Variants in ITSN2 observed in about 807,000 individuals in gnomAD.
The protein encoded by ITSN2 is intersectin 2.
In ITSN2, 156 loss-of-function variants were observed where a neutral mutation model predicts 243.7. That is an observed-to-expected ratio of 0.64 (90% CI 0.56 to 0.73). ITSN2 has a LOEUF of 0.73. Among genes scored for constraint, ITSN2 ranks in the 30% least tolerant of loss-of-function variants. ITSN2 has a pLI of 0.00. For synonymous variants in ITSN2, 703 were observed against 699.9 expected, an observed-to-expected ratio of 1.00 and a Z score of -0.07; for missense variants, 1,801 against 1,996.1, an observed-to-expected ratio of 0.90 and a Z score of 1.86.
intron 2 of ITSN2, among the ~76,000 whole-genome samples, chr2:24,322,533 A>C (rs1244137299): frequency 6.6e-6 from 1 of 152,224 alleles, no homozygotes. Flanking sequence ...CTGGATATCC[A>C]TATGAAAAAA....
In ITSN2 at chr2:24,300,174, G is replaced by T. The variant is rs201772928; in HGVS notation, c.1082-3C>A. 2.0e-5 allele frequency: 32 copies of T among 1,614,026 alleles called. No individual in the cohort carries two copies. The East Asian group carries it at 7.1e-4, about 36-fold the overall frequency. On this transcript the variant is annotated splice_polypyrimidine_tract_variant and splice_region_variant and intron_variant, in intron 11 of 39. Transcript: ENST00000355123. ...TTTCCGTTTGTCCTCAAAAGTAACT[G>T]AACAAGGTATGCCTATCAGCATCCA...
At position 24,205,090 on chromosome 2, in the gene ITSN2, T is replaced by G. The variant is rs1573834808; in HGVS notation, c.4762+124A>C. On this transcript the variant is annotated intron_variant, in intron 38 of 39. Coordinates refer to ENST00000355123, the MANE Select transcript of ITSN2 (RefSeq NM_006277.3). ...TGTACCCCAGAGGCAGAGGTTGCAG[T>G]GAGCCAAGATCGTGCCACTGCACTC... 4.2e-5 allele frequency: 30 copies of G among 710,186 alleles called. No homozygotes were observed. The South Asian group carries it at 4.5e-4, about 11-fold the overall frequency. The allele number at this position is 710,186 out of a possible 1,614,324, so 44.0% of individuals were successfully genotyped here.
rs773257210 is a variant in ITSN2 at position 24,211,510 on chromosome 2, G to A, written c.4090-563C>T. ...CGACGCATGCTGCAACTGTGAACGC[G>A]CAGAGGCCAGAATACAAACGTGTGT... On this transcript the variant is annotated intron_variant, in intron 33 of 39. Coordinates refer to ENST00000355123, the MANE Select transcript of ITSN2 (RefSeq NM_006277.3). The surrounding 1 kb of genome is among the most constrained non-coding windows in gnomAD (Gnocchi z 4.1). Among the ~76,000 whole-genome samples the A allele has an allele frequency of 1.1e-4, 16 of 152,190 alleles. No homozygotes were observed. The highest frequency in any genetic ancestry group is 6.4e-3 in the Middle Eastern group (2 of 314).
At chr2:24,337,317 T>TATATATATATATACAC (rs1553395899) in intron 1 of ITSN2, among the ~76,000 whole-genome samples, 7 of 49,172 alleles carry the variant, frequency 1.4e-4, no homozygotes, top group African/African-American at 6.0e-4. Context: ...ATACACAAAA[T>TATATATATATATACAC]ATATATATAT....
chr2:24,225,969 G>C lies in ITSN2; in HGVS notation c.3578-4903C>G, dbSNP rs1182269359. On this transcript the variant is annotated intron_variant, in intron 29 of 39. Coordinates refer to ENST00000355123, the MANE Select transcript of ITSN2 (RefSeq NM_006277.3). This position sits in a 1 kb window ranked among gnomAD's most constrained non-coding sequence, Gnocchi z 4.2. ...TCAATAGAGTAGCCCTTAGCAAGCTGTGACCGCTGAACACATGCAGTGTTT... is the reference window on the plus strand; with the variant it reads ...TCAATAGAGTAGCCCTTAGCAAGCTCTGACCGCTGAACACATGCAGTGTTT... Among the ~76,000 whole-genome samples the C allele has an allele frequency of 6.6e-6, 1 of 152,192 alleles. No homozygotes were observed. The highest frequency in any genetic ancestry group is 6.5e-5 in the Admixed American group (1 of 15,288).
At chr2:24,243,541 G>A (rs1672988672) in intron 29 of ITSN2, among the ~76,000 whole-genome samples, 1 of 152,078 alleles carries the variant, frequency 6.6e-6, no homozygotes, top group South Asian at 2.1e-4. Context: ...ACCCAGGCTG[G>A]AGTACAGTGG....
chr2:24,223,089 G>T (rs1399550454), intron 29 of ITSN2, among the ~76,000 whole-genome samples: 1 of 152,204 alleles, frequency 6.6e-6, no homozygotes, highest in Non-Finnish European at 1.5e-5. Context: ...CAAGTGGCTT[G>T]TGTCAGAAAA....
chr2:24,338,770 T>C lies in ITSN2; in HGVS notation c.-33-10655A>G, dbSNP rs115457376. 2.7e-3 allele frequency among the ~76,000 whole-genome samples: 403 copies of C among 151,984 alleles called. 3 individuals are homozygous for C. The highest frequency in any genetic ancestry group is 9.3e-3 in the African/African-American group (385 of 41,454). On this transcript the variant is annotated intron_variant, in intron 1 of 39. Coordinates refer to ENST00000355123, the MANE Select transcript of ITSN2 (RefSeq NM_006277.3). Reference sequence around the variant, plus strand: ...AACTCAAGAGACTAAGGCAGGAGGATTGATGAGGCCAGAAGTTCAAGACCA... The same window carrying C: ...AACTCAAGAGACTAAGGCAGGAGGACTGATGAGGCCAGAAGTTCAAGACCA...
At position 24,223,871 on chromosome 2, in the gene ITSN2, G is replaced by A. The variant is rs151081717; in HGVS notation, c.3578-2805C>T. On this transcript the variant is annotated intron_variant, in intron 29 of 39. Transcript: ENST00000355123. ...AAAAGAAAGAAAGAAAGGAAAGAAA[G>A]AAAAAAAAGAAAGAAGAAAAATAAA... Among the ~76,000 whole-genome samples the A allele has an allele frequency of 1.0e-3, 38 of 36,742 alleles. No homozygotes were observed. The East Asian group carries it at 0.027, about 26-fold the overall frequency. 24.1% of individuals were successfully genotyped at this position (36,742 alleles called of 152,430 possible). A position where few individuals can be genotyped will look rare whatever the true frequency, so the allele number is the denominator to read the frequency against.
At chr2:24,335,682 C>A (rs562152720) in intron 1 of ITSN2, among the ~76,000 whole-genome samples, 86 of 51,766 alleles carry the variant, frequency 1.7e-3, no homozygotes, top group South Asian at 4.8e-3. Flanking sequence ...CTCTATCCCC[C>A]AGGCTGGAGT....
chr2:24,311,321 T>C (rs1055831740), intron 5 of ITSN2, among the ~76,000 whole-genome samples: 3 of 152,220 alleles, frequency 2.0e-5, no homozygotes, highest in Non-Finnish European at 4.4e-5. Flanking sequence ...GGTCACACAA[T>C]GATTTAGTAT....
chr2:24,361,088 C>T (rs1173528171), upstream of ITSN2, among the ~76,000 whole-genome samples: 7 of 152,164 alleles, frequency 4.6e-5, no homozygotes, highest in Non-Finnish European at 1.0e-4. Context: ...TACCCTCGGT[C>T]ATCCATTCAC....
chr2:24,358,547 T>C (rs1688665045), intron 1 of ITSN2, among the ~76,000 whole-genome samples: 1 of 152,168 alleles, frequency 6.6e-6, no homozygotes, highest in Non-Finnish European at 1.5e-5. Context: ...CCCTTTTGTC[T>C]TACTAAAGAT....
At chr2:24,275,608 G>A in intron 18 of ITSN2, 105 bp downstream of exon 18, 1 of 872,840 alleles carries the variant, frequency 1.1e-6, no homozygotes. Flanking sequence ...AATCTGATTA[G>A]GATAATCCCT....
chr2:24,286,302 T>C lies in ITSN2; in HGVS notation c.1773A>G (p.Leu591=). 6.2e-7 allele frequency: 1 copy of C among 1,607,582 alleles called. No individual in the cohort carries two copies. The highest frequency in any genetic ancestry group is 8.5e-7 in the Non-Finnish European group (1 of 1,174,388). Residue 591 remains leucine, a synonymous_variant, in exon 16 of 40, where the codon TTA becomes TTG. Transcript: ENST00000355123. ...LHKKSLEKEE[L]CQRLKEQLDA... is the part of the protein sequence containing the mutation. ...CTAACTGTTCTTTAAGTCTTTGGCA[T>C]AATTCTTCCTTTTCTAATGATTTTT... is the stretch of plus-strand genomic sequence containing the variant.
chr2:24,287,913 T>C (rs1039365688), intron 15 of ITSN2, among the ~76,000 whole-genome samples: 2 of 152,158 alleles, frequency 1.3e-5, no homozygotes, highest in Admixed American at 1.3e-4. Flanking sequence ...TTGAGTTATA[T>C]ATATTCCTTG....
At chr2:24,263,000 T>C (rs1676107795) in intron 20 of ITSN2, among the ~76,000 whole-genome samples, 1 of 152,198 alleles carries the variant, frequency 6.6e-6, no homozygotes, top group African/African-American at 2.4e-5. Context: ...CAGGCTTTTT[T>C]TCATTTCACA....
intron 1 of ITSN2, chr2:24,330,725 T>C: frequency 1.6e-6 from 1 of 613,314 alleles, no homozygotes; most frequent in South Asian, 1.5e-5. Context: ...TAGTTTGAAA[T>C]ACTATTTTTT....
intron 1 of ITSN2, among the ~76,000 whole-genome samples, chr2:24,351,961 G>A (rs1688059603): frequency 6.6e-6 from 1 of 152,202 alleles, no homozygotes; most frequent in Non-Finnish European, 1.5e-5. Flanking sequence ...ATTGTATGCT[G>A]AGGTTGCTAA....
Sources: gnomAD v4.1 joint callset for allele counts (sites outside exome capture counted in the v4.1 genomes callset) on GRCh38, gnomAD v4.1.1 for gene constraint, Gnocchi (gnomAD v3.1) non-coding constraint, MANE v1.5 for transcripts, NCBI Gene and HGNC (gene_info 2026-07-23, HGNC 2026-07-21) for gene names.